The following OPRM1 variants were observed in gnomAD, a reference collection of about 807,000 sequenced individuals.
OPRM1 encodes the protein opioid receptor mu 1, also known as mu-type opioid receptor.
Under a neutral mutation model 31.8 loss-of-function variants are expected in OPRM1, and 27 were observed. The ratio of observed to expected loss-of-function variants is 0.85; its 90% CI spans 0.63 to 1.17. OPRM1 has a LOEUF of 1.17. Ranked by LOEUF, OPRM1 falls within the 50% of genes most tolerant of loss-of-function variation. The pLI is 0.00. For synonymous variants in OPRM1, 196 were observed against 189.9 expected (o/e 1.03, Z -0.26); for missense variants, 536 against 511.1 (o/e 1.05, Z -0.47).
intron 1 of OPRM1, among the ~76,000 whole-genome samples, chr6:154,026,676 A>G (rs972256652): frequency 1.3e-5 from 2 of 152,090 alleles, no homozygotes; most frequent in Admixed American, 1.3e-4. Flanking sequence ...GTATTTTCAA[A>G]TAGCCTGTCT....
At chr6:154,082,912 A>G (rs1244270885) in intron 1 of OPRM1, among the ~76,000 whole-genome samples, 1 of 152,220 alleles carries the variant, frequency 6.6e-6, no homozygotes, top group African/African-American at 2.4e-5. Flanking sequence ...AACTGCTTAT[A>G]TATGTCAGAG....
At chr6:154,017,032 T>C (rs908608111) in intron 1 of OPRM1, among the ~76,000 whole-genome samples, 7 of 152,210 alleles carry the variant, frequency 4.6e-5, no homozygotes, top group African/African-American at 1.7e-4. Flanking sequence ...TTAGCTTACT[T>C]TTTCATTGAG....
intron 3 of OPRM1, among the ~76,000 whole-genome samples, chr6:154,107,049 A>T (rs890805587): frequency 2.6e-5 from 4 of 152,224 alleles, no homozygotes; most frequent in Admixed American, 2.6e-4. Flanking sequence ...CCAATTAATC[A>T]GAGCCCTTTT....
intron 1 of OPRM1, among the ~76,000 whole-genome samples, chr6:154,078,201 C>T (rs936772746): frequency 6.6e-6 from 1 of 152,190 alleles, no homozygotes; most frequent in Non-Finnish European, 1.5e-5. Context: ...GCTTTATAAA[C>T]TACCCATATG....
At chr6:154,152,335 G>GATAGAAAAGA (rs1798539108) in intron 3 of OPRM1, among the ~76,000 whole-genome samples, 2 of 33,940 alleles carry the variant, frequency 5.9e-5, no homozygotes, top group African/African-American at 2.1e-4. Context: ...AAGAAAGAAA[G>GATAGAAAAGA]AAAGAAAGAA....
intron 3 of OPRM1, among the ~76,000 whole-genome samples, chr6:154,140,934 A>G (rs1798191131): frequency 6.6e-6 from 1 of 152,182 alleles, no homozygotes; most frequent in Non-Finnish European, 1.5e-5. Context: ...TAGAAGCCAG[A>G]CTGAATGAAT....
intron 3 of OPRM1, among the ~76,000 whole-genome samples, chr6:154,139,921 G>A (rs566775397): frequency 1.6e-4 from 25 of 152,026 alleles, no homozygotes; most frequent in Non-Finnish European, 3.4e-4. Flanking sequence ...TAAATTCCCC[G>A]GTGACGTTAT....
chr6:154,153,427 T>C (rs58140380), intron 3 of OPRM1, among the ~76,000 whole-genome samples: 184 of 152,278 alleles, frequency 1.2e-3, no homozygotes, highest in African/African-American at 4.3e-3. Context: ...CTTACGCCTG[T>C]AATCCCGGCA....
intron 3 of OPRM1, among the ~76,000 whole-genome samples, chr6:154,205,610 C>T (rs1777429521): frequency 6.6e-6 from 1 of 152,070 alleles, no homozygotes; most frequent in South Asian, 2.1e-4. Context: ...TAAAAACATA[C>T]ACACACAAAG....
chr6:154,094,865 C>T (rs1354149994), intron 3 of OPRM1, among the ~76,000 whole-genome samples: 4 of 152,100 alleles, frequency 2.6e-5, no homozygotes, highest in Non-Finnish European at 4.4e-5. Flanking sequence ...ATATAGGGAG[C>T]GAATAATTAT....
chr6:154,153,402 G>A (rs767297437), intron 3 of OPRM1, among the ~76,000 whole-genome samples: 14 of 152,240 alleles, frequency 9.2e-5, no homozygotes, highest in South Asian at 2.1e-4. Context: ...AAAGAGCCCC[G>A]GCCAGGACCG....
At chr6:154,014,544 G>A (rs972910069) in intron 1 of OPRM1, among the ~76,000 whole-genome samples, 9 of 151,610 alleles carry the variant, frequency 5.9e-5, no homozygotes, top group Non-Finnish European at 1.2e-4. Context: ...GACTATTGAA[G>A]GTAAGGTGAC....
intron 3 of OPRM1, among the ~76,000 whole-genome samples, chr6:154,098,017 G>T (rs1793707860): frequency 6.6e-6 from 1 of 152,126 alleles, no homozygotes; most frequent in Admixed American, 6.6e-5. Flanking sequence ...ATTGTTTGAG[G>T]CCAGGTGTTC....
At chr6:154,076,345 G>A (rs943341102) in intron 1 of OPRM1, among the ~76,000 whole-genome samples, 2 of 152,126 alleles carry the variant, frequency 1.3e-5, no homozygotes, top group African/African-American at 4.8e-5. Flanking sequence ...ACTATTTGCA[G>A]CATATATCTT....
Position 154,168,850 on chromosome 6 carries a change from C to T in OPRM1, c.1164+77378C>T, listed in dbSNP as rs1799647058. On this transcript the variant is annotated intron_variant, in intron 3 of 3. Transcript: ENST00000337049. This position sits in a 1 kb window ranked among gnomAD's most constrained non-coding sequence, Gnocchi z 4.1. The stretch of plus-strand genomic sequence containing the variant: ...TGAACTCCTGACTTTGGGTGATCCG[C>T]CCACCTTGGCCTCCCAAAGTGCTGG... Among the ~76,000 whole-genome samples the T allele has an allele frequency of 6.6e-6, 1 of 151,998 alleles. No individual in the cohort carries two copies. Among genetic ancestry groups the T allele is most frequent in the Non-Finnish European group, 1.5e-5 (1 of 68,010 alleles).
intron 3 of OPRM1, among the ~76,000 whole-genome samples, chr6:154,102,683 A>G (rs1185732369): frequency 6.6e-6 from 1 of 152,152 alleles, no homozygotes; most frequent in African/African-American, 2.4e-5. Context: ...GCCTCCAGAT[A>G]TTGCCAAATG....
At chr6:154,043,944 G>A (rs1480657498) in intron 1 of OPRM1, among the ~76,000 whole-genome samples, 1 of 152,050 alleles carries the variant, frequency 6.6e-6, no homozygotes, top group Non-Finnish European at 1.5e-5. Context: ...TTGGTTGTAA[G>A]CTGTGTCTTT....
In OPRM1 at chr6:154,119,504, A is replaced by C; in HGVS notation, c.*783A>C. On this transcript the variant is annotated 3_prime_UTR_variant, in exon 4 of 4. Coordinates refer to ENST00000330432, the MANE Select transcript of OPRM1 (RefSeq NM_000914.5). ...TTCTTGCTCCTATTTAAGTGTTCAC[A>C]AAAGGTAATAGTCAATGAGCTCATC... 1.1e-6 allele frequency: 1 copy of C among 910,206 alleles called. No individual in the cohort carries two copies. The highest frequency in any genetic ancestry group is 1.3e-6 in the Non-Finnish European group (1 of 761,606). The allele number at this position is 910,206 out of a possible 1,614,324, so 56.4% of individuals were successfully genotyped here. A position where few individuals can be genotyped will look rare whatever the true frequency, so the allele number is the denominator to read the frequency against.
At chr6:154,231,367 T>G (rs1020604460) in intron 3 of OPRM1, among the ~76,000 whole-genome samples, 1 of 152,240 alleles carries the variant, frequency 6.6e-6, no homozygotes, top group Non-Finnish European at 1.5e-5. Flanking sequence ...AAAATGCACT[T>G]GCCCATTGAC....
Sources: allele counts gnomAD v4.1 joint callset (sites outside exome capture counted in the v4.1 genomes callset), GRCh38; gene constraint gnomAD v4.1.1; non-coding constraint Gnocchi (gnomAD v3.1); transcripts MANE v1.5; gene names NCBI Gene and HGNC (gene_info 2026-07-23, HGNC 2026-07-21).